The following CARD19 variants were observed in gnomAD, a reference collection of about 807,000 sequenced individuals.
CARD19 encodes caspase recruitment domain-containing protein 19.
A neutral mutation model predicts 24.1 loss-of-function variants in CARD19; 25 were observed. The observed-to-expected ratio is 1.04, with a 90% CI of 0.76 to 1.45. The LOEUF (loss-of-function observed/expected upper bound fraction) is 1.45. Ranked by LOEUF, CARD19 falls within the 40% of genes most tolerant of loss-of-function variation. CARD19 has a pLI of 0.00. For synonymous variants in CARD19, 103 were observed against 104.9 expected, an observed-to-expected ratio of 0.98 and a Z score of 0.11; for missense variants, 241 against 247.4, an observed-to-expected ratio of 0.97 and a Z score of 0.17.
At chr9:93,109,393 AGGCCCAGT>A (rs199945494) in intron 2 of CARD19, among the ~76,000 whole-genome samples, 2,197 of 152,180 alleles carry the variant, frequency 0.014, 64 homozygotes, top group African/African-American at 0.05. Context: ...CTGGAGGTCA[AGGCCCAGT>A]GGCCTGTCCA....
Position 93,096,817 on chromosome 9 carries a change from C to G in CARD19, c.7+465C>G, listed in dbSNP as rs993229476. ...CGCTCCATCCTTACAACCACCCCAGCGAGGTCGCGGGACAGGCGATGCGTT... is the reference window on the plus strand; with the variant it reads ...CGCTCCATCCTTACAACCACCCCAGGGAGGTCGCGGGACAGGCGATGCGTT... On this transcript the variant is annotated intron_variant, in intron 1 of 5. Transcript: ENST00000375464. This position sits in a 1 kb window ranked among gnomAD's most constrained non-coding sequence, Gnocchi z 5.4. Among the ~76,000 whole-genome samples, 3 of 152,212 alleles carry G rather than the reference C, an allele frequency of 2.0e-5. No homozygotes were observed. The highest frequency in any genetic ancestry group is 2.9e-5 in the Non-Finnish European group (2 of 68,032).
intron 1 of CARD19, among the ~76,000 whole-genome samples, chr9:93,101,958 A>ATTTTTTTTT (rs34848135): frequency 7.2e-6 from 1 of 138,802 alleles, no homozygotes; most frequent in Non-Finnish European, 1.5e-5. Context: ...AATGATGAGC[A>ATTTTTTTTT]TTTTTTTTTT....
chr9:93,102,791 T>C (rs553223851), intron 1 of CARD19, among the ~76,000 whole-genome samples: 88 of 152,310 alleles, frequency 5.8e-4, no homozygotes, highest in African/African-American at 2.0e-3. Context: ...TGTAGATTGC[T>C]CTGGGTAGTG....
intron 1 of CARD19, among the ~76,000 whole-genome samples, chr9:93,101,305 C>T (rs1374209986): frequency 6.6e-6 from 1 of 152,182 alleles, no homozygotes; most frequent in African/African-American, 2.4e-5. Context: ...TCTTGAGCTT[C>T]TGACCCCAAG....
intron 1 of CARD19, among the ~76,000 whole-genome samples, chr9:93,101,268 G>A (rs376618311): frequency 1.6e-4 from 24 of 152,088 alleles, no homozygotes; most frequent in Admixed American, 3.9e-4. Context: ...TAGTAGAGAC[G>A]GGGCTTCGCC....
At position 93,111,898 on chromosome 9, in the gene CARD19, G is replaced by A. The variant is rs747635430; in HGVS notation, c.324G>A (p.Glu108=). ...RHALQNSDCT[E]LDSGSQSGEL... ...TTCCAGAGAACTCAGATTGCACAGAGCTAGACTCGGGCAGCCAGAGCGGCG... is the reference window on the plus strand; with the variant it reads ...TTCCAGAGAACTCAGATTGCACAGAACTAGACTCGGGCAGCCAGAGCGGCG... The change falls in exon 4 of 6, where the codon GAG becomes GAA. Residue 108 remains glutamate, a synonymous_variant. Transcript: ENST00000375464. 6.2e-7 allele frequency: 1 copy of A among 1,611,966 alleles called. No individual in the cohort carries two copies. The highest frequency in any genetic ancestry group is 1.1e-5 in the South Asian group (1 of 90,936).
chr9:93,110,380 G>A (rs1827419941), intron 2 of CARD19, 188 bp from the exon 3 acceptor site: 2 of 899,578 alleles, frequency 2.2e-6, no homozygotes, highest in South Asian at 1.8e-5. Context: ...AGTGATGCCT[G>A]TGACAGAGGC....
intron 2 of CARD19, among the ~76,000 whole-genome samples, chr9:93,108,766 C>CA (rs1827357501): frequency 6.6e-6 from 1 of 152,220 alleles, no homozygotes; most frequent in Non-Finnish European, 1.5e-5. Context: ...GTCACATGGC[C>CA]CTGGCCTCTC....
At chr9:93,110,467 A>G (rs1402059864) in intron 2 of CARD19, 101 bp from the exon 3 acceptor site, 1 of 1,506,062 alleles carries the variant, frequency 6.6e-7, no homozygotes. Flanking sequence ...CCTGACACCC[A>G]ACAGGGAAGC....
intron 1 of CARD19, among the ~76,000 whole-genome samples, chr9:93,100,090 T>C (rs1167333044): frequency 6.6e-6 from 1 of 152,150 alleles, no homozygotes; most frequent in Non-Finnish European, 1.5e-5. Context: ...AGACGGGCTG[T>C]TCTCACCTGG....
rs952523496 is a variant in CARD19, at chr9:93,096,339, C to T, written c.-7C>T. The T allele has an allele frequency of 1.6e-6, 2 of 1,225,904 alleles. No individual in the cohort carries two copies. Among genetic ancestry groups the T allele is most frequent in the East Asian group, 3.2e-5 (1 of 31,232 alleles). 75.9% of individuals were successfully genotyped at this position (1,225,904 alleles called of 1,614,324 possible). On this transcript the variant is annotated 5_prime_UTR_variant, in exon 1 of 6. Transcript: ENST00000375464. The surrounding 1 kb of genome is among the most constrained non-coding windows in gnomAD (Gnocchi z 5.4). ...TGGGGACTGCGGGCGGCGCTGTGTC[C>T]GTCGCCATGACAGGTGGGCACGGGG...
rs1326781570 is a variant in CARD19, at chr9:93,107,768, G to A, written c.102G>A (p.Gln34=). 1 of 1,614,222 alleles carries A rather than the reference G, an allele frequency of 6.2e-7. No individual in the cohort carries two copies. The highest frequency in any genetic ancestry group is 1.1e-5 in the South Asian group (1 of 91,090). The change falls in exon 2 of 6, where the codon CAG becomes CAA. Residue 34 remains glutamine, a synonymous_variant. Coordinates refer to ENST00000375464, the MANE Select transcript of CARD19 (RefSeq NM_032310.5). ...SEQQVDRIIL[Q]LNRYYPQILT... Reference sequence around the variant, plus strand: ...AGCAGGTGGACAGGATCATCCTCCAGCTGAACCGTTACTACCCACAGATCC... The same window carrying A: ...AGCAGGTGGACAGGATCATCCTCCAACTGAACCGTTACTACCCACAGATCC...
At chr9:93,105,948 C>T (rs995919195) in intron 1 of CARD19, among the ~76,000 whole-genome samples, 9 of 152,128 alleles carry the variant, frequency 5.9e-5, no homozygotes, top group African/African-American at 1.9e-4. Context: ...ATCTATTTCT[C>T]CCTTCAATTC....
chr9:93,112,916 C>T (rs1001779346), intron 5 of CARD19, 76 bp from the exon 6 acceptor site: 11 of 1,032,516 alleles, frequency 1.1e-5, no homozygotes, highest in African/African-American at 1.6e-5. Context: ...CCACCCACCC[C>T]CGCAGGAGGG....
chr9:93,107,954 C>T (rs893238742), intron 2 of CARD19, 138 bp downstream of exon 2: 36 of 1,176,236 alleles, frequency 3.1e-5, no homozygotes, highest in Admixed American at 7.1e-5. Flanking sequence ...AGAGGTGACA[C>T]ATCTGGACCT....
At chr9:93,097,833 T>A (rs1269654593) in intron 1 of CARD19, among the ~76,000 whole-genome samples, 1 of 152,236 alleles carries the variant, frequency 6.6e-6, no homozygotes, top group African/African-American at 2.4e-5. Context: ...CCTCACCTTG[T>A]CCAGTGTATG....
intron 1 of CARD19, among the ~76,000 whole-genome samples, chr9:93,105,153 C>T (rs972468763): frequency 1.1e-4 from 16 of 150,602 alleles, no homozygotes; most frequent in South Asian, 2.1e-4. Flanking sequence ...GGTTTTAGCG[C>T]GGTGTAAGGT....
In CARD19 at chr9:93,106,590, A is replaced by C. The variant is rs556932684; in HGVS notation, c.8-1084A>C. On this transcript the variant is annotated intron_variant, in intron 1 of 5. Coordinates refer to ENST00000375464, the MANE Select transcript of CARD19 (RefSeq NM_032310.5). ...CTCAAAAAAAAACAAAAAAAAAAAA[A>C]CAAAGTTTAACCTATTTGCATTTGA... Among the ~76,000 whole-genome samples, 18 of 151,480 alleles carry C rather than the reference A, an allele frequency of 1.2e-4. No individual in the cohort carries two copies. The East Asian group carries it at 2.7e-3, about 23-fold the overall frequency.
Position 93,096,453 on chromosome 9 carries a change from T to C in CARD19, c.7+101T>C. On this transcript the variant is annotated intron_variant, in intron 1 of 5. Coordinates refer to ENST00000375464, the MANE Select transcript of CARD19 (RefSeq NM_032310.5). This position sits in a 1 kb window ranked among gnomAD's most constrained non-coding sequence, Gnocchi z 5.4. ...TTGCGAGTCGCCTGCAGGCCGCGCCTGGGCAGCGGGGGCCGAGTGACCTTG... is the reference window on the plus strand; with the variant it reads ...TTGCGAGTCGCCTGCAGGCCGCGCCCGGGCAGCGGGGGCCGAGTGACCTTG... The C allele has an allele frequency of 9.0e-7, 1 of 1,108,354 alleles. No homozygotes were observed. The highest frequency in any genetic ancestry group is 1.1e-6 in the Non-Finnish European group (1 of 879,322). 68.7% of individuals were successfully genotyped at this position (1,108,354 alleles called of 1,614,324 possible).
Sources: gnomAD v4.1 joint callset for allele counts (sites outside exome capture counted in the v4.1 genomes callset) on GRCh38, gnomAD v4.1.1 for gene constraint, Gnocchi (gnomAD v3.1) non-coding constraint, MANE v1.5 for transcripts, NCBI Gene and HGNC (gene_info 2026-07-23, HGNC 2026-07-21) for gene names.